The following NDST3 variants were observed in gnomAD, a reference collection of about 807,000 sequenced individuals.
The protein encoded by NDST3 is bifunctional heparan sulfate N-deacetylase/N-sulfotransferase 3.
A neutral mutation model predicts 96.1 loss-of-function variants in NDST3; 58 were observed. The ratio of observed to expected loss-of-function variants is 0.60; its 90% confidence interval spans 0.49 to 0.75. The LOEUF (loss-of-function observed/expected upper bound fraction) is 0.75, where lower values mean the gene tolerates loss of function less well. Among genes scored for constraint, NDST3 ranks in the 30% least tolerant of loss-of-function variants. NDST3 has a pLI of 0.00. For missense variants in NDST3, 788 were observed against 1,034.2 expected (o/e 0.76, Z 3.27); for synonymous variants, 333 against 359.7 (o/e 0.93, Z 0.84).
At chr4:118,228,350 T>C (rs1042066590) in intron 8 of NDST3, among the ~76,000 whole-genome samples, 5 of 152,212 alleles carry the variant, frequency 3.3e-5, no homozygotes, top group Non-Finnish European at 7.3e-5. Context: ...ACTGATAACA[T>C]CCTGAAGGCT....
At position 118,244,143 on chromosome 4, in the gene NDST3, T is replaced by C. The variant is rs981581545; in HGVS notation, c.2399+1994T>C. The stretch of plus-strand genomic sequence containing the variant: ...TTTATATTTTCTTGTCAATCATCAA[T>C]TGGCCTGACATACCTTGTAAAACCT... On this transcript the variant is annotated intron_variant, in intron 12 of 13. Transcript: ENST00000296499. 1.7e-4 allele frequency among the ~76,000 whole-genome samples: 26 copies of C among 152,184 alleles called. No individual in the cohort carries two copies. The East Asian group carries it at 1.7e-3, about 10-fold the overall frequency.
In NDST3 at chr4:118,119,864, G is replaced by C. The variant is rs9993556; in HGVS notation, c.1224+4904G>C. On this transcript the variant is annotated intron_variant, in intron 4 of 13. Coordinates refer to ENST00000296499, the MANE Select transcript of NDST3 (RefSeq NM_004784.3). ...TGGCCCAGAAAGAGTCTCCAGCACCGATCTCCAGCTGTCCAGCTGGCAGCA... is the reference window on the plus strand; with the variant it reads ...TGGCCCAGAAAGAGTCTCCAGCACCCATCTCCAGCTGTCCAGCTGGCAGCA... Among the ~76,000 whole-genome samples, 934 of 152,218 alleles carry C rather than the reference G, an allele frequency of 6.1e-3. 10 individuals are homozygous for C. The highest frequency in any genetic ancestry group is 0.021 in the African/African-American group (875 of 41,534).
In NDST3 at chr4:118,238,215, GAAAGAAAGAAAA is replaced by G. The variant is rs1323730704; in HGVS notation, c.2118+997_2118+1008del. Reference sequence around the variant, plus strand: ...AGAAAGAAAGAAAGAAAGAAAGAAAGAAAGAAAGAAAAAGAAAGAAGAAAAAAAGAAAGAAAA... The same window carrying G: ...AGAAAGAAAGAAAGAAAGAAAGAAAGAGAAAGAAGAAAAAAAGAAAGAAAA... On this transcript the variant is annotated intron_variant, in intron 10 of 13. Transcript: ENST00000296499. 8.2e-3 allele frequency among the ~76,000 whole-genome samples: 980 copies of G among 120,238 alleles called. 13 individuals are homozygous for G. Among genetic ancestry groups the G allele is most frequent in the African/African-American group, 0.019 (550 of 29,168 alleles). 78.9% of individuals were successfully genotyped at this position (120,238 alleles called of 152,430 possible). A position where few individuals can be genotyped will look rare whatever the true frequency, so the allele number is the denominator to read the frequency against.
At chr4:118,130,950 G>A (rs1281280151) in intron 4 of NDST3, among the ~76,000 whole-genome samples, 1 of 152,128 alleles carries the variant, frequency 6.6e-6, no homozygotes, top group East Asian at 1.9e-4. Context: ...TGTATTGGAG[G>A]TCCATTGAAT....
At chr4:118,163,306 G>A (rs201643852) in intron 6 of NDST3, among the ~76,000 whole-genome samples, 189 of 152,318 alleles carry the variant, frequency 1.2e-3, no homozygotes, top group Middle Eastern at 3.4e-3. Context: ...GCACACATAT[G>A]TTTACTGTGG....
intron 8 of NDST3, among the ~76,000 whole-genome samples, chr4:118,232,251 T>C (rs1297487391): frequency 6.6e-6 from 1 of 152,156 alleles, no homozygotes; most frequent in African/African-American, 2.4e-5. Flanking sequence ...TAGTGCCTTA[T>C]TACCGTCAAA....
At chr4:118,197,035 G>A (rs1578800002) in intron 6 of NDST3, among the ~76,000 whole-genome samples, 1 of 150,062 alleles carries the variant, frequency 6.7e-6, no homozygotes. Flanking sequence ...ATGGTATGTT[G>A]TGTTTCCATT....
chr4:118,146,142 A>T (rs1255514254), intron 6 of NDST3, among the ~76,000 whole-genome samples: 1 of 152,210 alleles, frequency 6.6e-6, no homozygotes, highest in East Asian at 1.9e-4. Flanking sequence ...TTAGCAGATG[A>T]CATTTTTTAT....
intron 6 of NDST3, among the ~76,000 whole-genome samples, chr4:118,203,147 A>G (rs1464134471): frequency 6.6e-6 from 1 of 152,236 alleles, no homozygotes; most frequent in Non-Finnish European, 1.5e-5. Flanking sequence ...CCAGCCTTGC[A>G]TTCCAGGAAT....
intron 6 of NDST3, among the ~76,000 whole-genome samples, chr4:118,185,684 G>A (rs1265708884): frequency 6.6e-6 from 1 of 152,166 alleles, no homozygotes; most frequent in Non-Finnish European, 1.5e-5. Flanking sequence ...GAACATGGAA[G>A]TGGGGTACAG....
At chr4:118,075,450 C>T (rs374816987) in intron 2 of NDST3, among the ~76,000 whole-genome samples, 1 of 152,134 alleles carries the variant, frequency 6.6e-6, no homozygotes, top group African/African-American at 2.4e-5. Flanking sequence ...ATTTCTAGTT[C>T]TAGATCCTTG....
At chr4:118,069,433 C>CAA (rs1560621395) in intron 2 of NDST3, among the ~76,000 whole-genome samples, 1 of 152,038 alleles carries the variant, frequency 6.6e-6, no homozygotes, top group Admixed American at 6.6e-5. Context: ...AAGCTTTAAA[C>CAA]ATTCGCCTTT....
chr4:118,204,227 T>C (rs544773546), intron 6 of NDST3, among the ~76,000 whole-genome samples: 4 of 152,102 alleles, frequency 2.6e-5, no homozygotes, highest in Admixed American at 6.5e-5. Flanking sequence ...GCTTGGTCAC[T>C]TGATGCTCCT....
In NDST3 at chr4:118,220,436, A is replaced by G. The variant is rs183897505; in HGVS notation, c.1540-4055A>G. On this transcript the variant is annotated intron_variant, in intron 6 of 13. Coordinates refer to ENST00000296499, the MANE Select transcript of NDST3 (RefSeq NM_004784.3). ...ATGGACACAGGGAGGGGAACAACAC[A>G]CTGAGGCCAGTTAGGGGATGGGGGG... Among the ~76,000 whole-genome samples the G allele has an allele frequency of 7.3e-5, 11 of 151,716 alleles. No individual in the cohort carries two copies. In the East Asian group the frequency reaches 2.1e-3, roughly 30 times the overall value.
At chr4:118,150,775 T>C (rs1472046476) in intron 6 of NDST3, among the ~76,000 whole-genome samples, 4 of 151,862 alleles carry the variant, frequency 2.6e-5, no homozygotes, top group East Asian at 3.9e-4. Flanking sequence ...AGGAACACTT[T>C]TACACTGTTG....
At chr4:118,078,231 G>A (rs531398017) in intron 2 of NDST3, among the ~76,000 whole-genome samples, 14 of 152,206 alleles carry the variant, frequency 9.2e-5, no homozygotes, top group African/African-American at 3.1e-4. Flanking sequence ...CTGCCTTGAT[G>A]GATCCCAATG....
At chr4:118,230,300 A>G (rs981377436) in intron 8 of NDST3, among the ~76,000 whole-genome samples, 4 of 152,156 alleles carry the variant, frequency 2.6e-5, no homozygotes, top group African/African-American at 7.2e-5. Context: ...CAGGCCAGGC[A>G]CGGTGGCTCA....
At chr4:118,111,240 T>C (rs771941227) in intron 3 of NDST3, among the ~76,000 whole-genome samples, 1 of 152,160 alleles carries the variant, frequency 6.6e-6, no homozygotes, top group Non-Finnish European at 1.5e-5. Context: ...AGTGATAGGA[T>C]CTTTCATATC....
In NDST3 at chr4:118,050,227, TA is replaced by T. The variant is rs112534744; in HGVS notation, c.-155-3528del. 4.0e-3 allele frequency among the ~76,000 whole-genome samples: 605 copies of T among 152,202 alleles called. 3 individuals carry two copies. Among genetic ancestry groups the T allele is most frequent in the African/African-American group, 7.9e-3 (329 of 41,544 alleles). On this transcript the variant is annotated intron_variant, in intron 1 of 13. Transcript: ENST00000296499. ...TAACAGTCTAGGCATTAAAGGAACA[TA>T]TCTTAAAATAATAAGAGACATCTAT...
Sources: allele counts gnomAD v4.1 joint callset (sites outside exome capture counted in the v4.1 genomes callset), GRCh38; gene constraint gnomAD v4.1.1; transcripts MANE v1.5; gene names NCBI Gene and HGNC (gene_info 2026-07-23, HGNC 2026-07-21).